BRDT: variants seen among roughly 807,000 people sequenced by gnomAD.
BRDT encodes bromodomain testis-specific protein.
A neutral mutation model predicts 113.9 loss-of-function variants in BRDT; 77 were observed. The ratio of observed to expected loss-of-function variants is 0.68; its 90% CI spans 0.56 to 0.82. The LOEUF is 0.82. Ranked by LOEUF, BRDT falls within the 40% of genes least tolerant of loss-of-function variation. The probability of loss-of-function intolerance (pLI) is 0.00; values close to 1 mark genes in which losing one functional copy is unlikely to be tolerated. For missense variants in BRDT, 1,027 were observed against 1,105.4 expected (o/e 0.93, Z 1.01); for synonymous variants, 358 against 366.5 (o/e 0.98, Z 0.26).
rs201377403 is a variant in BRDT at position 91,994,178 on chromosome 1, A to C, written c.2211A>C (p.Leu737Phe). 184 of 1,613,410 alleles carry C rather than the reference A, an allele frequency of 1.1e-4. 4 individuals are homozygous for C. The South Asian group carries it at 1.9e-3, about 17-fold the overall frequency. Reference sequence around the variant, plus strand: ...TAATGCCACCAAATCACCACCAATTAGCATTTAATTATCAAGAATTAGAAC... The same window carrying C: ...TAATGCCACCAAATCACCACCAATTCGCATTTAATTATCAAGAATTAGAAC... ...SHVMPPNHHQLAFNYQELEHL... is the reference protein window; with the variant it reads ...SHVMPPNHHQFAFNYQELEHL... The change falls in exon 15 of 19, where the codon TTA (leucine) becomes TTC (phenylalanine). Residue 737 changes from leucine (L) to phenylalanine (F), a missense_variant. By Grantham distance (22) the Leu-to-Phe change is conservative. Coordinates refer to ENST00000399546, the MANE Select transcript of BRDT (RefSeq NM_207189.4).
chr1:91,982,582 CACACAGAATATTGTG>C (rs1163227848), intron 12 of BRDT, among the ~76,000 whole-genome samples: 1 of 152,164 alleles, frequency 6.6e-6, no homozygotes, highest in Admixed American at 6.6e-5. Flanking sequence ...AGAAACATCT[CACACAGAATATTGTG>C]ACATCAGGAA....
chr1:91,963,382 G>GTATTTTTTTCCAAGAAAAAAGCT (rs1682707932), intron 2 of BRDT, among the ~76,000 whole-genome samples: 1 of 152,136 alleles, frequency 6.6e-6, no homozygotes, highest in Non-Finnish European at 1.5e-5. Flanking sequence ...ATCCCAATGA[G>GTATTTTTTTCCAAGAAAAAAGCT]TATTTTTTTC....
Position 91,980,682 on chromosome 1 carries a change from G to T in BRDT, c.1327G>T (p.Val443Leu), listed in dbSNP as rs200898420. ...TCAACAGCTCCAGGTTTTGTCCCAA[G>T]TACCTTTCCGTAAGCTAAATAAAAA... is the stretch of plus-strand genomic sequence containing the variant. ...VHQQLQVLSQVPFRKLNKKKE... is the reference protein window; with the variant it reads ...VHQQLQVLSQLPFRKLNKKKE... Residue 443 changes from valine (V) to leucine (L), a missense_variant, in exon 9 of 19, where the codon GTA becomes TTA. Physicochemically the swap from Val to Leu is conservative, Grantham distance 32. Transcript: ENST00000399546. 2.1e-5 allele frequency: 34 copies of T among 1,599,370 alleles called. No individual in the cohort carries two copies. The highest frequency in any genetic ancestry group is 2.9e-5 in the Non-Finnish European group (34 of 1,176,936).
chr1:92,007,210 GC>G (rs1687393321), intron 18 of BRDT, among the ~76,000 whole-genome samples: 1 of 149,294 alleles, frequency 6.7e-6, no homozygotes, highest in South Asian at 2.1e-4. Flanking sequence ...TTTTTTTTCT[GC>G]CCGTTTTTGT....
intron 4 of BRDT, among the ~76,000 whole-genome samples, chr1:91,970,329 C>T (rs1336676688): frequency 6.6e-6 from 1 of 152,132 alleles, no homozygotes; most frequent in Non-Finnish European, 1.5e-5. Context: ...AGTGGCACTC[C>T]ACAATCAGTT....
rs1441737816 is a variant in BRDT at position 91,981,162 on chromosome 1, A to C, written c.1734A>C (p.Arg578Ser). The C allele has an allele frequency of 6.2e-7, 1 of 1,608,982 alleles. No individual in the cohort carries two copies. Among genetic ancestry groups the C allele is most frequent in the African/African-American group, 1.3e-5 (1 of 74,578 alleles). Residue 578 changes from arginine to serine, a missense_variant, in exon 10 of 19, where the codon AGA becomes AGC. Transcript: ENST00000399546. Reference sequence around the variant, plus strand: ...ATGTTTCGGCATGTCTAAGAAAGAGACCATTAAAACCTCCTGGTATGTATT... The same window carrying C: ...ATGTTTCGGCATGTCTAAGAAAGAGCCCATTAAAACCTCCTGGTATGTATT... ...EKYVSACLRK[R>S]PLKPPAKKIM... is the part of the protein sequence containing the mutation.
intron 4 of BRDT, among the ~76,000 whole-genome samples, chr1:91,971,767 G>GAATC (rs971895638): frequency 3.9e-5 from 6 of 152,298 alleles, no homozygotes; most frequent in Admixed American, 3.3e-4. Context: ...CCAGCTAGAG[G>GAATC]AATCAGCTAG....
At chr1:91,985,451 TC>T (rs1291984529) in intron 12 of BRDT, among the ~76,000 whole-genome samples, 1 of 152,072 alleles carries the variant, frequency 6.6e-6, no homozygotes, top group African/African-American at 2.4e-5. Context: ...CACCTCGGCC[TC>T]CCAAAGTGCT....
At chr1:91,955,313 G>A (rs748433705) in intron 1 of BRDT, among the ~76,000 whole-genome samples, 14 of 152,076 alleles carry the variant, frequency 9.2e-5, no homozygotes, top group Non-Finnish European at 1.5e-4. Context: ...TTAGCTGGGT[G>A]TAGTGTAATG....
At chr1:91,977,896 C>CT (rs1311621969) in intron 6 of BRDT, among the ~76,000 whole-genome samples, 1 of 152,036 alleles carries the variant, frequency 6.6e-6, no homozygotes. Flanking sequence ...TGAAAACACT[C>CT]TGCTTCTCTG....
At chr1:91,969,986 G>C (rs1683470025) in intron 4 of BRDT, among the ~76,000 whole-genome samples, 1 of 151,824 alleles carries the variant, frequency 6.6e-6, no homozygotes, top group Non-Finnish European at 1.5e-5. Flanking sequence ...ATGCCACCAT[G>C]CCCAGCTAAT....
intron 2 of BRDT, among the ~76,000 whole-genome samples, chr1:91,963,531 A>G (rs541895786): frequency 6.6e-6 from 1 of 152,270 alleles, no homozygotes; most frequent in Admixed American, 6.5e-5. Context: ...TACCTTTTCT[A>G]TGAAGTTTCT....
At chr1:91,950,742 G>A (rs946961115) in intron 1 of BRDT, 2 of 124,892 alleles carry the variant, frequency 1.6e-5, no homozygotes, top group Non-Finnish European at 3.2e-5. Flanking sequence ...GGCGATCTCA[G>A]AGGATCGCCT....
rs1417352915 is a variant in BRDT at position 91,992,305 on chromosome 1, C to A, written c.2106C>A (p.Gly702=). The change falls in exon 14 of 19, where the codon GGC becomes GGA. Residue 702 remains glycine (G), a synonymous_variant. Transcript: ENST00000399546. The part of the protein sequence containing the change: ...NECIPPEGRT[G]VTQIGYCVQD... ...GCATACCGCCTGAAGGAAGAACAGG[C>A]GTCACACAGGTAATGCTTAAAATGT... 3 of 1,506,668 alleles carry A rather than the reference C, an allele frequency of 2.0e-6. No individual in the cohort carries two copies. Among genetic ancestry groups the A allele is most frequent in the Non-Finnish European group, 1.8e-6 (2 of 1,121,798 alleles). The allele number at this position is 1,506,668 out of a possible 1,614,324, so 93.3% of individuals were successfully genotyped here.
chr1:91,956,111 TTTC>T (rs1182691132), intron 1 of BRDT, among the ~76,000 whole-genome samples: 1 of 152,230 alleles, frequency 6.6e-6, no homozygotes, highest in Non-Finnish European at 1.5e-5. Flanking sequence ...ACACTTAACA[TTTC>T]TTCCTGTATA....
chr1:92,005,974 T>C (rs1467149456), intron 18 of BRDT, among the ~76,000 whole-genome samples: 1 of 152,208 alleles, frequency 6.6e-6, no homozygotes, highest in Admixed American at 6.5e-5. Flanking sequence ...AAAGCTACAG[T>C]TGATTCCTTC....
chr1:92,011,109 T>A (rs958337295), intron 18 of BRDT, among the ~76,000 whole-genome samples: 1 of 152,200 alleles, frequency 6.6e-6, no homozygotes, highest in East Asian at 1.9e-4. Flanking sequence ...TAGTATTGGT[T>A]AAAGTACAAA....
chr1:92,002,189 T>C, intron 16 of BRDT, 40 bp downstream of exon 16: 1 of 1,450,674 alleles, frequency 6.9e-7, no homozygotes, highest in Non-Finnish European at 9.6e-7. Context: ...CTTGAAGGGA[T>C]TTGAAATTGG....
At chr1:91,952,985 G>GT (rs1301818221) in intron 1 of BRDT, among the ~76,000 whole-genome samples, 1 of 151,908 alleles carries the variant, frequency 6.6e-6, no homozygotes, top group African/African-American at 2.4e-5. Flanking sequence ...AAGTTCTAGG[G>GT]TACATGTGCA....
Sources: allele counts gnomAD v4.1 joint callset (sites outside exome capture counted in the v4.1 genomes callset), GRCh38; gene constraint gnomAD v4.1.1; transcripts MANE v1.5; gene names NCBI Gene and HGNC (gene_info 2026-07-23, HGNC 2026-07-21).